Variants in SLC24A1 observed in about 807,000 individuals in gnomAD.
The protein encoded by SLC24A1 is sodium/potassium/calcium exchanger 1.
SLC24A1 carries 52 observed loss-of-function variants against 88.1 expected under a neutral mutation model. The ratio of observed to expected loss-of-function variants is 0.59; its 90% CI spans 0.47 to 0.74. The LOEUF (loss-of-function observed/expected upper bound fraction) is 0.74. Among genes scored for constraint, SLC24A1 ranks in the 30% least tolerant of loss-of-function variants. SLC24A1 has a pLI of 0.00. For synonymous variants in SLC24A1, 455 were observed against 498.0 expected (o/e 0.91, Z 1.15); for missense variants, 1,173 against 1,363.3 (o/e 0.86, Z 2.20).
chr15:65,630,013 G>A (rs2074658733), intron 2 of SLC24A1, among the ~76,000 whole-genome samples: 2 of 152,274 alleles, frequency 1.3e-5, no homozygotes, highest in Admixed American at 1.3e-4. Flanking sequence ...CACCCAGGCT[G>A]GAGTGCAGTG....
Position 65,625,219 on chromosome 15 carries a change from C to T in SLC24A1, c.1139C>T (p.Thr380Ile), listed in dbSNP as rs2074465438. 6.2e-7 allele frequency: 1 copy of T among 1,613,982 alleles called. No individual in the cohort carries two copies. Among genetic ancestry groups the T allele is most frequent in the Non-Finnish European group, 8.5e-7 (1 of 1,179,902 alleles). ...KPSTAPSTST[T>I]PTVRAKLTMQ... ...TCCACAGCACCCAGCACCTCAACAA[C>T]CCCTACGGTCAGGGCAAAGCTGACC... Residue 380 changes from threonine (T) to isoleucine (I), a missense_variant, in exon 2 of 10, where the codon ACC (threonine) becomes ATC (isoleucine). By Grantham distance (89) the Thr-to-Ile change is moderately conservative. Coordinates refer to ENST00000261892, the MANE Select transcript of SLC24A1 (RefSeq NM_004727.3).
At chr15:65,633,645 G>A (rs1248667358) in intron 2 of SLC24A1, among the ~76,000 whole-genome samples, 1 of 152,168 alleles carries the variant, frequency 6.6e-6, no homozygotes, top group East Asian at 1.9e-4. Context: ...GGGTGACAGA[G>A]TGAGACTCCA....
At chr15:65,635,621 G>A (rs1392932414) in intron 2 of SLC24A1, among the ~76,000 whole-genome samples, 1 of 152,096 alleles carries the variant, frequency 6.6e-6, no homozygotes, top group Non-Finnish European at 1.5e-5. Flanking sequence ...AAAATGCACA[G>A]TGCCCCCTTC....
At chr15:65,619,357 C>T (rs2074247610), upstream of SLC24A1, among the ~76,000 whole-genome samples, 1 of 152,082 alleles carries the variant, frequency 6.6e-6, no homozygotes, top group Non-Finnish European at 1.5e-5. Context: ...CATTTGTTTG[C>T]TTCCTAATAT....
At chr15:65,622,135 G>A (rs1324410329) in intron 1 of SLC24A1, 43 bp downstream of exon 1, 1 of 152,206 alleles carries the variant, frequency 6.6e-6, no homozygotes, top group African/African-American at 2.4e-5. Flanking sequence ...TGGGGTGCCA[G>A]TTCAGCTCTG....
chr15:65,659,772 C>A (rs755586850), downstream of SLC24A1: 2 of 153,986 alleles, frequency 1.3e-5, no homozygotes, highest in African/African-American at 4.8e-5. Context: ...ACAACCCTCT[C>A]CAAAAGCAGA....
At chr15:65,633,902 G>T (rs1309447919) in intron 2 of SLC24A1, among the ~76,000 whole-genome samples, 1 of 152,080 alleles carries the variant, frequency 6.6e-6, no homozygotes, top group Non-Finnish European at 1.5e-5. Flanking sequence ...GAGGGGTGGC[G>T]AATGTGCTGG....
chr15:65,637,982 T>A (rs150715025), intron 2 of SLC24A1, 146 bp from the exon 3 acceptor site: 1 of 674,384 alleles, frequency 1.5e-6, no homozygotes, highest in Non-Finnish European at 2.8e-6. Context: ...ACTGGAGGGA[T>A]GGAACATGTT....
chr15:65,644,465 C>T lies in SLC24A1; in HGVS notation c.2092C>T (p.Gln698Ter). Residue 698 changes from glutamine to a stop codon, truncating the protein, a stop_gained, in exon 5 of 10, where the codon CAA becomes TAA. Transcript: ENST00000261892. LOFTEE classifies it high-confidence loss of function. ...AKEKEEESLN[Q>*]GARAQPQAKA... Reference sequence around the variant, plus strand: ...GGAGAAGGAGGAGGAGAGCTTGAATCAAGGGGCCAGAGCCCAACCCCAGGC... The same window carrying T: ...GGAGAAGGAGGAGGAGAGCTTGAATTAAGGGGCCAGAGCCCAACCCCAGGC... The T allele has an allele frequency of 6.3e-7, 1 of 1,597,430 alleles. No individual in the cohort carries two copies. The highest frequency in any genetic ancestry group is 8.5e-7 in the Non-Finnish European group (1 of 1,172,220).
At chr15:65,652,947 A>G in intron 9 of SLC24A1, 139 bp downstream of exon 9, 1 of 650,728 alleles carries the variant, frequency 1.5e-6, no homozygotes, top group Middle Eastern at 2.6e-4. Flanking sequence ...GCAAAGCAAC[A>G]AAATATCTTC....
At chr15:65,642,717 A>G (rs984486183) in intron 4 of SLC24A1, among the ~76,000 whole-genome samples, 6 of 152,178 alleles carry the variant, frequency 3.9e-5, no homozygotes, top group Non-Finnish European at 5.9e-5. Flanking sequence ...GGGACCACAC[A>G]TGTCATAGTG....
chr15:65,645,487 C>T, intron 5 of SLC24A1, 125 bp from the exon 6 acceptor site: 1 of 733,296 alleles, frequency 1.4e-6, no homozygotes, highest in Non-Finnish European at 2.4e-6. Context: ...CAAGAAATTC[C>T]CCCAAATAAA....
chr15:65,646,022 A>T (rs2075289943), intron 6 of SLC24A1, among the ~76,000 whole-genome samples: 1 of 152,170 alleles, frequency 6.6e-6, no homozygotes, highest in South Asian at 2.1e-4. Flanking sequence ...GCTCCTGAGC[A>T]CTGGGAAGCT....
At chr15:65,642,964 C>T (rs1238338951) in intron 4 of SLC24A1, 2 of 1,283,384 alleles carry the variant, frequency 1.6e-6, no homozygotes, top group Non-Finnish European at 2.0e-6. Flanking sequence ...CTAACTCGGA[C>T]CCTCTGGGAT....
In SLC24A1 at chr15:65,625,092, G is replaced by T; in HGVS notation, c.1012G>T (p.Ala338Ser). ...AGGCAGCAGCCCAGCAGAAACCAAA[G>T]CCTTCACTGCTGCCTGGAGTCTTAG... ...MTGSSPAETK[A>S]FTAAWSLRNP... Residue 338 changes from alanine (A) to serine (S), a missense_variant, in exon 2 of 10, where the codon GCC becomes TCC. Coordinates refer to ENST00000261892, the MANE Select transcript of SLC24A1 (RefSeq NM_004727.3). 6.2e-7 allele frequency: 1 copy of T among 1,613,608 alleles called. No individual in the cohort carries two copies. Among genetic ancestry groups the T allele is most frequent in the Non-Finnish European group, 8.5e-7 (1 of 1,179,868 alleles).
upstream of SLC24A1, among the ~76,000 whole-genome samples, chr15:65,621,742 G>A (rs879447296): frequency 2.0e-5 from 3 of 152,166 alleles, no homozygotes; most frequent in Non-Finnish European, 2.9e-5. Context: ...TTAGAAACAA[G>A]TTTGAGAAAT....
At chr15:65,642,916 C>A (rs903273470) in intron 4 of SLC24A1, 1 of 972,736 alleles carries the variant, frequency 1.0e-6, no homozygotes. Context: ...CCTCTCAGTC[C>A]GTCTGTATTA....
At chr15:65,626,094 T>C (rs994880871) in intron 2 of SLC24A1, 124 bp downstream of exon 2, 2 of 749,590 alleles carry the variant, frequency 2.7e-6, no homozygotes, top group East Asian at 5.1e-5. Context: ...TCCCTTACTA[T>C]TTATTCAACA....
chr15:65,655,390 C>T lies in SLC24A1; in HGVS notation c.*1311C>T. 8.1e-6 allele frequency: 8 copies of T among 985,350 alleles called. No individual in the cohort carries two copies. The highest frequency in any genetic ancestry group is 8.4e-6 in the Non-Finnish European group (7 of 829,874). 61.0% of individuals were successfully genotyped at this position (985,350 alleles called of 1,614,324 possible). A position where few individuals can be genotyped will look rare whatever the true frequency, so the allele number is the denominator to read the frequency against. On this transcript the variant is annotated 3_prime_UTR_variant, in exon 10 of 10. Transcript: ENST00000261892. ...AAAGGGAAATTCCAAGAATGCATAA[C>T]ACAATGACAACATGGTGAGAAAAGT...
Sources: gnomAD v4.1 joint callset for allele counts (sites outside exome capture counted in the v4.1 genomes callset) on GRCh38, gnomAD v4.1.1 for gene constraint, MANE v1.5 for transcripts, NCBI Gene and HGNC (gene_info 2026-07-23, HGNC 2026-07-21) for gene names.